SDK1: variants seen among roughly 807,000 people sequenced by gnomAD.
SDK1 encodes the protein sidekick cell adhesion molecule 1, also known as protein sidekick-1.
In SDK1, 157 loss-of-function variants were observed where a neutral mutation model predicts 245.5. The ratio of observed to expected loss-of-function variants is 0.64; its 90% CI spans 0.56 to 0.73. The LOEUF (loss-of-function observed/expected upper bound fraction) is 0.73, where lower values mean the gene tolerates loss of function less well. Among genes scored for constraint, SDK1 ranks in the 30% least tolerant of loss-of-function variants. The pLI, the probability that SDK1 is intolerant of heterozygous loss-of-function variation, is 0.00. For missense variants in SDK1, 3,583 were observed against 3,002.3 expected, an observed-to-expected ratio of 1.19 and a Z score of -4.52; for synonymous variants, 1,647 against 1,278.5, an observed-to-expected ratio of 1.29 and a Z score of -6.15.
At chr7:3,607,851 C>G (rs924451969) in intron 1 of SDK1, among the ~76,000 whole-genome samples, 1 of 152,228 alleles carries the variant, frequency 6.6e-6, no homozygotes, top group Non-Finnish European at 1.5e-5. Flanking sequence ...CGTAAGCATT[C>G]TGCACACATT....
rs551693793 is a variant in SDK1 at position 3,445,499 on chromosome 7, T to C, written c.298+143615T>C. ...GAAGTTAGGAACCATTCCTTTTAAC[T>C]TTTTATTTTGAAATAATTATAGATG... On this transcript the variant is annotated intron_variant, in intron 1 of 44. Transcript: ENST00000404826. Among the ~76,000 whole-genome samples the C allele has an allele frequency of 5.3e-5, 8 of 152,332 alleles. No individual in the cohort carries two copies. The East Asian group carries it at 1.5e-3, about 29-fold the overall frequency.
At chr7:3,774,206 C>G (rs1330630979) in intron 4 of SDK1, among the ~76,000 whole-genome samples, 6 of 139,434 alleles carry the variant, frequency 4.3e-5, no homozygotes, top group Admixed American at 7.4e-5. Context: ...CAGAGCGAGA[C>G]TCCATCTCAA....
In SDK1 at chr7:4,247,417, A is replaced by G. The variant is rs150381555; in HGVS notation, c.6381+1612A>G. ...GATGCTCGGAAAGGGACATTTGTCT[A>G]AAACTCAGGGGCTGTCAAGTGAAAT... On this transcript the variant is annotated intron_variant, in intron 44 of 44. Coordinates refer to ENST00000404826, the MANE Select transcript of SDK1 (RefSeq NM_152744.4). Among the ~76,000 whole-genome samples the G allele has an allele frequency of 8.5e-5, 13 of 152,380 alleles. No individual in the cohort carries two copies. In the East Asian group the frequency reaches 2.5e-3, roughly 29 times the overall value.
chr7:4,208,842 C>T (rs1784374674), intron 37 of SDK1, among the ~76,000 whole-genome samples: 3 of 152,228 alleles, frequency 2.0e-5, no homozygotes, highest in South Asian at 4.1e-4. Flanking sequence ...ACGCACAGGG[C>T]GCAGCGCCTG....
At chr7:3,686,903 G>C (rs1784299472) in intron 4 of SDK1, among the ~76,000 whole-genome samples, 1 of 152,154 alleles carries the variant, frequency 6.6e-6, no homozygotes, top group Non-Finnish European at 1.5e-5. Flanking sequence ...CCTGGCCCTG[G>C]AGCAACTGGG....
intron 1 of SDK1, among the ~76,000 whole-genome samples, chr7:3,550,837 T>C (rs1779379708): frequency 2.0e-5 from 3 of 152,220 alleles, no homozygotes; most frequent in Admixed American, 2.0e-4. Context: ...CTAGAAAATG[T>C]TTTTACTGTA....
At chr7:3,578,858 C>G (rs1780392037) in intron 1 of SDK1, among the ~76,000 whole-genome samples, 2 of 151,868 alleles carry the variant, frequency 1.3e-5, no homozygotes, top group Admixed American at 1.3e-4. Flanking sequence ...TTCAAACACA[C>G]ATGTTTTACA....
At chr7:3,411,187 G>C (rs79339290) in intron 1 of SDK1, among the ~76,000 whole-genome samples, 1,544 of 152,232 alleles carry the variant, frequency 0.01, 38 homozygotes, top group African/African-American at 0.036. Context: ...ATCCAAGAGA[G>C]CCGGGAAGAT....
intron 1 of SDK1, among the ~76,000 whole-genome samples, chr7:3,510,427 C>T (rs1368559500): frequency 1.3e-5 from 2 of 152,160 alleles, no homozygotes; most frequent in African/African-American, 4.8e-5. Flanking sequence ...GGCACTCGGT[C>T]TTCTAAAGGG....
intron 1 of SDK1, among the ~76,000 whole-genome samples, chr7:3,361,150 C>G (rs1780940835): frequency 6.6e-6 from 1 of 152,072 alleles, no homozygotes; most frequent in South Asian, 2.1e-4. Context: ...GTAGTTTTTT[C>G]TATATTACAA....
chr7:3,905,690 A>G (rs551129300), intron 5 of SDK1, among the ~76,000 whole-genome samples: 13 of 152,148 alleles, frequency 8.5e-5, no homozygotes, highest in African/African-American at 2.4e-4. Context: ...CAGTGGCACA[A>G]TCACTCACTG....
chr7:4,161,191 G>C (rs1346429984), intron 31 of SDK1, among the ~76,000 whole-genome samples: 1 of 152,194 alleles, frequency 6.6e-6, no homozygotes, highest in Non-Finnish European at 1.5e-5. Flanking sequence ...AGTTTGGCTA[G>C]AGTGCAGGGC....
Position 3,659,849 on chromosome 7 carries a change from T to C in SDK1, c.713+17744T>C, listed in dbSNP as rs937693257. On this transcript the variant is annotated intron_variant, in intron 4 of 44. Transcript: ENST00000404826. ...GGAGAAAAGTGGATGAATGAAAGTGTAGGTTAAAAGTAGAATCCACAGGGC... is the reference window on the plus strand; with the variant it reads ...GGAGAAAAGTGGATGAATGAAAGTGCAGGTTAAAAGTAGAATCCACAGGGC... Among the ~76,000 whole-genome samples, 11 of 152,078 alleles carry C rather than the reference T, an allele frequency of 7.2e-5. No individual in the cohort carries two copies. The South Asian group carries it at 2.3e-3, about 32-fold the overall frequency.
At chr7:3,989,471 A>G (rs1328773146) in intron 14 of SDK1, among the ~76,000 whole-genome samples, 2 of 152,262 alleles carry the variant, frequency 1.3e-5, no homozygotes, top group South Asian at 2.1e-4. Context: ...ATTCCAGATG[A>G]GGGTCTCCTT....
At chr7:4,209,393 C>T (rs1364479686) in intron 37 of SDK1, among the ~76,000 whole-genome samples, 1 of 152,326 alleles carries the variant, frequency 6.6e-6, no homozygotes, top group African/African-American at 2.4e-5. Context: ...AGCCCCAGTA[C>T]ACGCCCACCT....
chr7:4,103,617 T>C (rs966981846), intron 22 of SDK1, among the ~76,000 whole-genome samples: 2 of 152,246 alleles, frequency 1.3e-5, no homozygotes, highest in Non-Finnish European at 2.9e-5. Context: ...TCAGTACTGA[T>C]TTTTAAATCA....
chr7:3,516,118 CTT>C (rs11371619), intron 1 of SDK1, among the ~76,000 whole-genome samples: 8 of 139,978 alleles, frequency 5.7e-5, no homozygotes, highest in Admixed American at 7.2e-5. Flanking sequence ...AAGATATTTT[CTT>C]TTTTTTTTTT....
At chr7:3,925,266 A>G (rs1779729401) in intron 5 of SDK1, among the ~76,000 whole-genome samples, 1 of 152,232 alleles carries the variant, frequency 6.6e-6, no homozygotes, top group Non-Finnish European at 1.5e-5. Flanking sequence ...AGAACCTTTG[A>G]TAAGCTGAGA....
At chr7:3,464,631 C>G (rs1477254746) in intron 1 of SDK1, among the ~76,000 whole-genome samples, 4 of 151,050 alleles carry the variant, frequency 2.6e-5, no homozygotes, top group Admixed American at 6.6e-5. Context: ...ACATTTAAAA[C>G]AAGGATAATA....
Sources: allele counts gnomAD v4.1 joint callset (sites outside exome capture counted in the v4.1 genomes callset), GRCh38; gene constraint gnomAD v4.1.1; transcripts MANE v1.5; gene names NCBI Gene and HGNC (gene_info 2026-07-23, HGNC 2026-07-21).